ZNF33A: variants seen among roughly 807,000 people sequenced by gnomAD.
The protein encoded by ZNF33A is brain my041 protein.
Under a neutral mutation model 15.9 loss-of-function variants are expected in ZNF33A, and 9 were observed. The observed-to-expected ratio is 0.57, with a 90% CI of 0.34 to 0.99. ZNF33A has a LOEUF of 0.99. Among genes scored for constraint, ZNF33A ranks in the 50% least tolerant of loss-of-function variants. The pLI, the probability that ZNF33A is intolerant of heterozygous loss-of-function variation, is 0.02. For missense variants in ZNF33A, 843 were observed against 941.6 expected (o/e 0.90, Z 1.37); for synonymous variants, 294 against 324.2 (o/e 0.91, Z 1.00).
chr10:38,041,137 A>G (rs1301905532), intron 4 of ZNF33A, among the ~76,000 whole-genome samples: 4 of 151,636 alleles, frequency 2.6e-5, no homozygotes, highest in African/African-American at 9.7e-5. Flanking sequence ...TATTATTTTT[A>G]TAGGTTTCGA....
intron 4 of ZNF33A, among the ~76,000 whole-genome samples, chr10:38,030,418 A>G (rs1484560273): frequency 1.3e-5 from 2 of 152,190 alleles, no homozygotes; most frequent in African/African-American, 4.8e-5. Flanking sequence ...TGAATGGCCA[A>G]TACATGTAAC....
chr10:38,047,190 CAAAA>C (rs61278605), intron 4 of ZNF33A, among the ~76,000 whole-genome samples: 5 of 64,050 alleles, frequency 7.8e-5, no homozygotes, highest in African/African-American at 2.9e-4. Context: ...CCACCCCTGC[CAAAA>C]AAAAAAAAAA....
chr10:38,046,746 G>A (rs147539161), intron 4 of ZNF33A, among the ~76,000 whole-genome samples: 1 of 152,160 alleles, frequency 6.6e-6, no homozygotes, highest in African/African-American at 2.4e-5. Flanking sequence ...ATTGAAAATA[G>A]TATTATAATT....
chr10:38,046,491 C>G (rs1481813521), intron 4 of ZNF33A, among the ~76,000 whole-genome samples: 1 of 152,118 alleles, frequency 6.6e-6, no homozygotes, highest in African/African-American at 2.4e-5. Context: ...ATCATAAAAG[C>G]AAGACCTGAA....
intron 4 of ZNF33A, chr10:38,039,554 T>C: frequency 2.2e-6 from 1 of 455,936 alleles, no homozygotes; most frequent in East Asian, 7.0e-5. Flanking sequence ...AATTTACAAC[T>C]TCAATCTTTT....
intron 4 of ZNF33A, among the ~76,000 whole-genome samples, chr10:38,038,819 T>C (rs2065566032): frequency 6.6e-6 from 1 of 152,216 alleles, no homozygotes; most frequent in Non-Finnish European, 1.5e-5. Context: ...TTAAATGCTT[T>C]TTCTCTGTAT....
chr10:38,056,008 G>A lies in ZNF33A; in HGVS notation c.1884G>A (p.Gln628=), dbSNP rs760609498. 4.3e-6 allele frequency: 7 copies of A among 1,613,860 alleles called. No homozygotes were observed. The highest frequency in any genetic ancestry group is 3.4e-6 in the Non-Finnish European group (4 of 1,179,988). The change falls in exon 5 of 5, where the codon CAG becomes CAA. Residue 628 remains glutamine (Q), a synonymous_variant. Transcript: ENST00000432900. ...AGAAGTCACAACTCACTCAGCATCA[G>A]AGAATTCACATAGGGGAGAAACCCT... The part of the protein sequence containing the change: ...FYQKSQLTQH[Q]RIHIGEKPYK...
At chr10:38,046,056 G>A (rs1283121727) in intron 4 of ZNF33A, among the ~76,000 whole-genome samples, 6 of 152,246 alleles carry the variant, frequency 3.9e-5, no homozygotes, top group South Asian at 2.1e-4. Flanking sequence ...ATTGTACTCC[G>A]CTATTCTCAG....
chr10:38,025,972 TTGTCTC>T (rs1182243842), intron 4 of ZNF33A, among the ~76,000 whole-genome samples: 1 of 152,200 alleles, frequency 6.6e-6, no homozygotes, highest in African/African-American at 2.4e-5. Flanking sequence ...CTTATCTAGT[TTGTCTC>T]TGTGAGTTTT....
intron 4 of ZNF33A, among the ~76,000 whole-genome samples, chr10:38,040,508 T>C (rs910721511): frequency 1.3e-5 from 2 of 152,226 alleles, no homozygotes; most frequent in African/African-American, 4.8e-5. Flanking sequence ...AGAATTGTTA[T>C]GTCTCCTTTA....
chr10:38,033,040 G>A (rs1226125092), intron 4 of ZNF33A, among the ~76,000 whole-genome samples: 1 of 152,018 alleles, frequency 6.6e-6, no homozygotes, highest in African/African-American at 2.4e-5. Flanking sequence ...GAGGCACTGC[G>A]TCCGGCTGAC....
At chr10:38,053,129 C>T (rs2066287659) in intron 4 of ZNF33A, among the ~76,000 whole-genome samples, 1 of 151,988 alleles carries the variant, frequency 6.6e-6, no homozygotes, top group African/African-American at 2.4e-5. Context: ...ATTCAAGTTT[C>T]AGTCAAGTGT....
chr10:38,045,378 G>A (rs972403932), intron 4 of ZNF33A, among the ~76,000 whole-genome samples: 2 of 152,130 alleles, frequency 1.3e-5, no homozygotes, highest in Non-Finnish European at 2.9e-5. Context: ...CTCTGTTGCT[G>A]TTATACTTTG....
intron 4 of ZNF33A, among the ~76,000 whole-genome samples, chr10:38,054,035 C>G (rs2066334814): frequency 6.6e-6 from 1 of 152,108 alleles, no homozygotes; most frequent in South Asian, 2.1e-4. Flanking sequence ...TTATTTGCTC[C>G]ACTTATGGTG....
intron 4 of ZNF33A, among the ~76,000 whole-genome samples, chr10:38,028,867 G>C (rs1314715062): frequency 6.6e-6 from 1 of 152,042 alleles, no homozygotes; most frequent in Non-Finnish European, 1.5e-5. Context: ...TAACCATGGG[G>C]ATTGCTTTCA....
chr10:38,066,151 A>G (rs1218800706), downstream of ZNF33A, among the ~76,000 whole-genome samples: 4 of 152,158 alleles, frequency 2.6e-5, no homozygotes, highest in South Asian at 2.1e-4. Flanking sequence ...AACCCTGACC[A>G]TAGGCTTTTC....
chr10:38,015,149 A>C (rs1308098795), intron 2 of ZNF33A, among the ~76,000 whole-genome samples: 3 of 152,114 alleles, frequency 2.0e-5, no homozygotes, highest in African/African-American at 7.2e-5. Flanking sequence ...TACTAGGATT[A>C]TAGATGTGAG....
chr10:38,019,494 A>C (rs1475933220), intron 4 of ZNF33A, among the ~76,000 whole-genome samples: 2 of 152,196 alleles, frequency 1.3e-5, no homozygotes, highest in Non-Finnish European at 2.9e-5. Flanking sequence ...AAAATTTTCA[A>C]AGTAGCCAGA....
Position 38,010,735 on chromosome 10 carries a change from A to T in ZNF33A, c.-93A>T, listed in dbSNP as rs780902050. 11 of 1,598,340 alleles carry T rather than the reference A, an allele frequency of 6.9e-6. No individual in the cohort carries two copies. Among genetic ancestry groups the T allele is most frequent in the Non-Finnish European group, 1.7e-6 (2 of 1,179,794 alleles). ...CGTGGGAGGCGGTCCCGGGATTTCA[A>T]GGGTCTACGCGCTTTTCTATGGCGA... is the stretch of plus-strand genomic sequence containing the variant. On this transcript the variant is annotated 5_prime_UTR_variant, in exon 1 of 5. The change creates a new upstream start codon in the 5' untranslated region. Transcript: ENST00000432900.
Sources: allele counts gnomAD v4.1 joint callset (sites outside exome capture counted in the v4.1 genomes callset), GRCh38; gene constraint gnomAD v4.1.1; transcripts MANE v1.5; gene names NCBI Gene and HGNC (gene_info 2026-07-23, HGNC 2026-07-21).